The following EHMT1 variants were observed in gnomAD, a reference collection of about 807,000 sequenced individuals.
The protein encoded by EHMT1 is histone-lysine N-methyltransferase EHMT1.
Under a neutral mutation model 147.2 loss-of-function variants are expected in EHMT1, and 15 were observed. The observed-to-expected ratio is 0.10, with a 90% CI of 0.07 to 0.16. The LOEUF (loss-of-function observed/expected upper bound fraction) is 0.16. Ranked by LOEUF, EHMT1 falls within the 10% of genes least tolerant of loss-of-function variation. The pLI is 1.00. For missense variants in EHMT1, 1,587 were observed against 1,772.4 expected (o/e 0.90, Z 1.88); for synonymous variants, 795 against 709.6 (o/e 1.12, Z -1.91).
chr9:137,695,061 T>A (rs1031024550), intron 1 of EHMT1, among the ~76,000 whole-genome samples: 3 of 152,240 alleles, frequency 2.0e-5, no homozygotes, highest in Admixed American at 2.0e-4. Context: ...TGAAAGACTC[T>A]AAACAGACAG....
At chr9:137,657,498 C>CTG (rs1554827518) in intron 1 of EHMT1, among the ~76,000 whole-genome samples, 21 of 126,160 alleles carry the variant, frequency 1.7e-4, no homozygotes, top group African/African-American at 6.2e-4. Flanking sequence ...CACCTGGTTG[C>CTG]TTTTTTTTTT....
At chr9:137,724,281 C>T (rs183378877) in intron 3 of EHMT1, among the ~76,000 whole-genome samples, 19 of 152,306 alleles carry the variant, frequency 1.2e-4, no homozygotes, top group Admixed American at 3.3e-4. Context: ...GCCCCACCCC[C>T]GCCCTGCCAG....
At position 137,716,616 on chromosome 9, in the gene EHMT1, T is replaced by C; in HGVS notation, c.86-10T>C. On this transcript the variant is annotated splice_polypyrimidine_tract_variant and intron_variant, in intron 2 of 26. Coordinates refer to ENST00000460843, the MANE Select transcript of EHMT1 (RefSeq NM_024757.5). ...CCTGCAGTCAGTGACACTCGTTTCT[T>C]TGTTGGCAGAGACACCTATGGCTGC... 1.3e-6 allele frequency: 2 copies of C among 1,545,936 alleles called. No homozygotes were observed. The highest frequency in any genetic ancestry group is 1.7e-6 in the Non-Finnish European group (2 of 1,145,224).
chr9:137,748,159 G>C (rs1052179343), intron 6 of EHMT1, among the ~76,000 whole-genome samples: 2 of 151,998 alleles, frequency 1.3e-5, no homozygotes, highest in Admixed American at 6.6e-5. Flanking sequence ...TCAGATGTTG[G>C]GTGCCTTTTT....
At chr9:137,827,591 T>C (rs951681545) in intron 25 of EHMT1, among the ~76,000 whole-genome samples, 2 of 152,156 alleles carry the variant, frequency 1.3e-5, no homozygotes, top group African/African-American at 4.8e-5. Context: ...TTGCCATCTG[T>C]TCTCAGCCTG....
chr9:137,778,835 G>A (rs1436938227), intron 13 of EHMT1, among the ~76,000 whole-genome samples: 5 of 152,224 alleles, frequency 3.3e-5, no homozygotes, highest in African/African-American at 9.6e-5. Context: ...TCTCCAGACT[G>A]TACAGGAAGC....
rs144601481 is a variant in EHMT1, at chr9:137,820,096, C to T, written c.3540+1958C>T. ...CCTGGAGAATAGGGCACCAGGCAGC[C>T]GTCTTCATAGCAGTGGCCTCTGTGG... On this transcript the variant is annotated intron_variant, in intron 25 of 26. Transcript: ENST00000460843. 186 of 152,314 alleles carry T rather than the reference C, an allele frequency of 1.2e-3. 2 individuals carry two copies. Among genetic ancestry groups the T allele is most frequent in the African/African-American group, 4.2e-3 (173 of 41,546 alleles). 9.4% of individuals were successfully genotyped at this position (152,314 alleles called of 1,614,324 possible). A position where few individuals can be genotyped will look rare whatever the true frequency, so the allele number is the denominator to read the frequency against.
intron 25 of EHMT1, among the ~76,000 whole-genome samples, chr9:137,829,878 G>T (rs961224365): frequency 6.6e-6 from 1 of 152,200 alleles, no homozygotes; most frequent in African/African-American, 2.4e-5. Context: ...TGGCCACCCC[G>T]AGCATCCATG....
At chr9:137,661,445 T>TA (rs1162084727) in intron 1 of EHMT1, among the ~76,000 whole-genome samples, 1 of 152,028 alleles carries the variant, frequency 6.6e-6, no homozygotes, top group Non-Finnish European at 1.5e-5. Flanking sequence ...GTAAAAATCA[T>TA]ACTTGAGTAT....
At chr9:137,726,353 T>G (rs1046584067) in intron 3 of EHMT1, among the ~76,000 whole-genome samples, 1 of 152,200 alleles carries the variant, frequency 6.6e-6, no homozygotes, top group Non-Finnish European at 1.5e-5. Context: ...GGACCTCCTG[T>G]AAGTGGAATG....
At chr9:137,668,237 A>T (rs900136628) in intron 1 of EHMT1, among the ~76,000 whole-genome samples, 1 of 152,096 alleles carries the variant, frequency 6.6e-6, no homozygotes, top group Non-Finnish European at 1.5e-5. Flanking sequence ...GACTTGCAGG[A>T]TCCTGCTAGA....
At chr9:137,808,710 C>T (rs1180531906) in intron 18 of EHMT1, among the ~76,000 whole-genome samples, 1 of 151,896 alleles carries the variant, frequency 6.6e-6, no homozygotes, top group African/African-American at 2.4e-5. Flanking sequence ...CACTTGAGGT[C>T]AGGAGTTTGA....
intron 1 of EHMT1, among the ~76,000 whole-genome samples, chr9:137,675,445 C>G (rs76427581): frequency 0.018 from 2,671 of 152,030 alleles, 77 homozygotes; most frequent in Non-Finnish European, 0.018. Context: ...TTCATTTTCT[C>G]TTTTACTTTT....
chr9:137,687,653 G>GTA (rs1564588728), intron 1 of EHMT1, among the ~76,000 whole-genome samples: 1 of 152,168 alleles, frequency 6.6e-6, no homozygotes, highest in African/African-American at 2.4e-5. Context: ...AAGAGGCTTG[G>GTA]GAGAGACTCC....
intron 1 of EHMT1, among the ~76,000 whole-genome samples, chr9:137,640,186 C>T (rs750122630): frequency 6.6e-5 from 10 of 152,302 alleles, no homozygotes; most frequent in South Asian, 2.1e-4. Context: ...CCGCCTGCCT[C>T]GGCCTCCCAA....
chr9:137,719,028 C>T (rs1435777079), intron 3 of EHMT1, among the ~76,000 whole-genome samples: 2 of 152,144 alleles, frequency 1.3e-5, no homozygotes, highest in East Asian at 1.9e-4. Flanking sequence ...GCTGGGATTA[C>T]AGGTGTGAGC....
intron 4 of EHMT1, among the ~76,000 whole-genome samples, chr9:137,739,885 G>A (rs1947901340): frequency 6.6e-6 from 1 of 152,124 alleles, no homozygotes; most frequent in South Asian, 2.1e-4. Flanking sequence ...GAAGGAGGAC[G>A]GTGTCTCTGA....
At chr9:137,657,413 C>T (rs1356475535) in intron 1 of EHMT1, among the ~76,000 whole-genome samples, 5 of 150,724 alleles carry the variant, frequency 3.3e-5, no homozygotes, top group Non-Finnish European at 5.9e-5. Flanking sequence ...CTGTCGCGCT[C>T]GTTAGGATGA....
At chr9:137,829,283 A>T (rs1250606875) in intron 25 of EHMT1, among the ~76,000 whole-genome samples, 1 of 152,208 alleles carries the variant, frequency 6.6e-6, no homozygotes, top group African/African-American at 2.4e-5. Flanking sequence ...TCCTTCAGAG[A>T]TTCCTTTTTC....
Sources: allele counts gnomAD v4.1 joint callset (sites outside exome capture counted in the v4.1 genomes callset), GRCh38; gene constraint gnomAD v4.1.1; transcripts MANE v1.5; gene names NCBI Gene and HGNC (gene_info 2026-07-23, HGNC 2026-07-21).